Variants in SIK3 observed in about 807,000 individuals in gnomAD.
The protein encoded by SIK3 is SIK family kinase 3.
SIK3 carries 28 observed loss-of-function variants against 144.2 expected under a neutral mutation model. The ratio of observed to expected loss-of-function variants is 0.19; its 90% CI spans 0.14 to 0.27. The LOEUF (loss-of-function observed/expected upper bound fraction) is 0.27. SIK3 is among the 10% of genes least tolerant of loss of function. The pLI is 1.00. For synonymous variants in SIK3, 686 were observed against 676.3 expected (o/e 1.01, Z -0.22); for missense variants, 1,319 against 1,776.0 (o/e 0.74, Z 4.62).
At chr11:116,909,065 T>A (rs932362534) in intron 4 of SIK3, among the ~76,000 whole-genome samples, 10 of 152,192 alleles carry the variant, frequency 6.6e-5, no homozygotes, top group Admixed American at 3.3e-4. Context: ...TATATTCATA[T>A]CATGGAATAC....
chr11:116,954,159 A>C (rs749938196), intron 2 of SIK3, 52 bp from the exon 3 acceptor site: 1 of 1,462,888 alleles, frequency 6.8e-7, no homozygotes, highest in Non-Finnish European at 9.6e-7. Context: ...ACAGGCTGAT[A>C]CAGGAAGATA....
At chr11:116,885,694 T>C (rs1944781226) in intron 6 of SIK3, among the ~76,000 whole-genome samples, 1 of 152,222 alleles carries the variant, frequency 6.6e-6, no homozygotes, top group African/African-American at 2.4e-5. Context: ...TATGACTCTC[T>C]TGATTCTTGG....
intron 1 of SIK3, among the ~76,000 whole-genome samples, chr11:116,982,710 C>T (rs373838292): frequency 6.3e-4 from 95 of 151,916 alleles, no homozygotes; most frequent in African/African-American, 2.2e-3. Flanking sequence ...AATCCCAGCA[C>T]TTTGGGAGGT....
At chr11:117,085,196 A>C (rs1954953440) in intron 1 of SIK3, among the ~76,000 whole-genome samples, 1 of 151,916 alleles carries the variant, frequency 6.6e-6, no homozygotes, top group South Asian at 2.1e-4. Context: ...ACTGCACTGT[A>C]ATCTGGAACT....
At chr11:116,898,854 GTA>G (rs1945578898) in intron 4 of SIK3, among the ~76,000 whole-genome samples, 1 of 150,680 alleles carries the variant, frequency 6.6e-6, no homozygotes, top group South Asian at 2.1e-4. Context: ...TGAGTTCATT[GTA>G]GATTCTGGAT....
At chr11:116,878,839 CCTT>C (rs1343781766) in intron 6 of SIK3, among the ~76,000 whole-genome samples, 1 of 152,156 alleles carries the variant, frequency 6.6e-6, no homozygotes, top group South Asian at 2.1e-4. Flanking sequence ...ATGATTGGCT[CCTT>C]GTCATTCAGG....
intron 1 of SIK3, among the ~76,000 whole-genome samples, chr11:117,074,996 T>C (rs1954446711): frequency 6.6e-6 from 1 of 151,964 alleles, no homozygotes; most frequent in African/African-American, 2.4e-5. Context: ...TTCATTGGAA[T>C]ACCACGTAGC....
Position 116,985,751 on chromosome 11 carries a change from T to C in SIK3, c.274-28687A>G, listed in dbSNP as rs749086097. Among the ~76,000 whole-genome samples, 70 of 152,198 alleles carry C rather than the reference T, an allele frequency of 4.6e-4. 2 individuals carry two copies. Among genetic ancestry groups the C allele is most frequent in the Non-Finnish European group, 1.8e-4 (12 of 68,036 alleles). ...GAACACGAATCAAGAGAAGCCATTGTTTAGGGAAAATAAACACTTTGTAAT... is the reference window on the plus strand; with the variant it reads ...GAACACGAATCAAGAGAAGCCATTGCTTAGGGAAAATAAACACTTTGTAAT... On this transcript the variant is annotated intron_variant, in intron 1 of 24. Transcript: ENST00000445177.
intron 1 of SIK3, among the ~76,000 whole-genome samples, chr11:117,023,590 AAACAAACAAACAAACAAAC>A (rs1951864278): frequency 4.1e-5 from 2 of 48,922 alleles, no homozygotes; most frequent in East Asian, 4.1e-4. Context: ...AAAAACAAAC[AAACAAACAAACAAACAAAC>A]AAAAAAAAAA....
At position 116,866,441 on chromosome 11, in the gene SIK3, C is replaced by CTTTA. The variant is rs140007361; in HGVS notation, c.1952+1501_1952+1504dup. Among the ~76,000 whole-genome samples, 517 of 152,154 alleles carry CTTTA rather than the reference C, an allele frequency of 3.4e-3. 9 individuals carry two copies. In the East Asian group the frequency reaches 0.042, roughly 12 times the overall value. On this transcript the variant is annotated intron_variant, in intron 15 of 24. Coordinates refer to ENST00000445177, the MANE Select transcript of SIK3 (RefSeq NM_001366686.3). ...GTCTCCAGTAATCACTCAAAGTGCTCTTTATTTATTTATTTATTGAGACGG... is the reference window on the plus strand; with the variant it reads ...GTCTCCAGTAATCACTCAAAGTGCTCTTTATTTATTTATTTATTTATTGAGACGG...
At chr11:116,961,735 G>C (rs1205381508) in intron 1 of SIK3, among the ~76,000 whole-genome samples, 1 of 152,058 alleles carries the variant, frequency 6.6e-6, no homozygotes, top group Non-Finnish European at 1.5e-5. Flanking sequence ...CAAAGAGCAT[G>C]ATTTTGTAAA....
At chr11:116,897,959 C>A (rs1220840295) in intron 4 of SIK3, among the ~76,000 whole-genome samples, 1 of 151,800 alleles carries the variant, frequency 6.6e-6, no homozygotes, top group Non-Finnish European at 1.5e-5. Flanking sequence ...TGTAAGCCTA[C>A]TCAGCTGGAC....
chr11:116,861,470 G>A (rs1343805567), intron 18 of SIK3, 87 bp from the exon 19 acceptor site: 1 of 1,005,186 alleles, frequency 9.9e-7, no homozygotes, highest in South Asian at 1.5e-5. Context: ...TATATCAGTG[G>A]AAACTATTTT....
chr11:116,994,688 G>A (rs1419157173), intron 1 of SIK3, among the ~76,000 whole-genome samples: 3 of 152,072 alleles, frequency 2.0e-5, no homozygotes, highest in Non-Finnish European at 2.9e-5. Context: ...ACTAAACTGC[G>A]ACAAACACTC....
intron 1 of SIK3, among the ~76,000 whole-genome samples, chr11:117,095,463 A>G (rs1955434929): frequency 6.6e-6 from 1 of 152,216 alleles, no homozygotes; most frequent in Admixed American, 6.5e-5. Context: ...CCTCTGCAGA[A>G]GTAAGATAAA....
chr11:116,950,394 C>T, intron 3 of SIK3: 1 of 269,022 alleles, frequency 3.7e-6, no homozygotes, highest in Non-Finnish European at 7.6e-6. Flanking sequence ...AATGGAGTCA[C>T]TCATGCTAAA....
intron 1 of SIK3, among the ~76,000 whole-genome samples, chr11:117,054,821 C>T (rs1397492822): frequency 6.6e-6 from 1 of 151,990 alleles, no homozygotes; most frequent in South Asian, 2.1e-4. Flanking sequence ...TACAAAATAA[C>T]AGTACTTGCT....
At chr11:116,957,961 G>A (rs1949204600) in intron 1 of SIK3, among the ~76,000 whole-genome samples, 1 of 152,156 alleles carries the variant, frequency 6.6e-6, no homozygotes, top group Non-Finnish European at 1.5e-5. Context: ...AATGAAGAAT[G>A]AACGATGAAG....
chr11:116,864,562 CAGAA>C (rs1360836065), intron 15 of SIK3: 1 of 152,288 alleles, frequency 6.6e-6, no homozygotes, highest in Non-Finnish European at 1.5e-5. Flanking sequence ...CAGAATCTTA[CAGAA>C]AGAAAGAACA....
Sources: allele counts gnomAD v4.1 joint callset (sites outside exome capture counted in the v4.1 genomes callset), GRCh38; gene constraint gnomAD v4.1.1; transcripts MANE v1.5; gene names NCBI Gene and HGNC (gene_info 2026-07-23, HGNC 2026-07-21).